Variants in SGCZ observed in about 807,000 individuals in gnomAD.
SGCZ encodes the protein zeta-sarcoglycan.
SGCZ carries 40 observed loss-of-function variants against 41.3 expected under a neutral mutation model. The observed-to-expected ratio is 0.97, with a 90% CI of 0.75 to 1.26. SGCZ has a LOEUF of 1.26. Ranked by LOEUF, SGCZ falls within the 50% of genes most tolerant of loss-of-function variation. The pLI is 0.00. For synonymous variants in SGCZ, 206 were observed against 137.5 expected, an observed-to-expected ratio of 1.50 and a Z score of -3.49; for missense variants, 552 against 369.8, an observed-to-expected ratio of 1.49 and a Z score of -4.04.
chr8:14,702,868 GATAGATAGA>G (rs1809203815), intron 1 of SGCZ, among the ~76,000 whole-genome samples: 1 of 135,744 alleles, frequency 7.4e-6, no homozygotes, highest in Non-Finnish European at 1.6e-5. Flanking sequence ...TAGATAGATA[GATAGATAGA>G]TAGATAAAAA....
At chr8:14,129,799 C>T (rs1391657417) in intron 5 of SGCZ, among the ~76,000 whole-genome samples, 2 of 151,714 alleles carry the variant, frequency 1.3e-5, no homozygotes, top group African/African-American at 4.8e-5. Flanking sequence ...AACAGCCAAA[C>T]CACTGAAAAT....
At chr8:14,155,806 G>A (rs947555568) in intron 5 of SGCZ, among the ~76,000 whole-genome samples, 9 of 151,694 alleles carry the variant, frequency 5.9e-5, no homozygotes, top group Non-Finnish European at 8.8e-5. Flanking sequence ...TGGTGATTTC[G>A]CCATTGTGCA....
chr8:14,751,701 A>G (rs1341228411), intron 1 of SGCZ, among the ~76,000 whole-genome samples: 1 of 152,066 alleles, frequency 6.6e-6, no homozygotes, highest in East Asian at 1.9e-4. Context: ...GGTACCTGCC[A>G]CCATGCCCGG....
chr8:14,679,124 G>A (rs968082676), intron 1 of SGCZ, among the ~76,000 whole-genome samples: 1 of 152,024 alleles, frequency 6.6e-6, no homozygotes, highest in Non-Finnish European at 1.5e-5. Context: ...GGTATAAACC[G>A]ACCTACTGCA....
At chr8:15,213,073 G>C (rs1033001488) in intron 1 of SGCZ, among the ~76,000 whole-genome samples, 3 of 151,994 alleles carry the variant, frequency 2.0e-5, no homozygotes, top group Non-Finnish European at 4.4e-5. Context: ...TTTCACTCTT[G>C]AGGGGCGACA....
intron 1 of SGCZ, among the ~76,000 whole-genome samples, chr8:15,131,788 CT>C (rs1247123929): frequency 6.6e-6 from 1 of 152,106 alleles, no homozygotes. Context: ...AGCCATGAGG[CT>C]GGCACAGGGA....
intron 1 of SGCZ, among the ~76,000 whole-genome samples, chr8:15,089,333 T>C (rs917871942): frequency 6.6e-6 from 1 of 152,188 alleles, no homozygotes; most frequent in African/African-American, 2.4e-5. Flanking sequence ...AGTGTAATGA[T>C]AATTTCAAGA....
chr8:14,548,616 T>C (rs926986774), intron 2 of SGCZ, among the ~76,000 whole-genome samples: 8 of 152,134 alleles, frequency 5.3e-5, no homozygotes, highest in Admixed American at 3.3e-4. Context: ...CTGTGAGCTA[T>C]TTAAATAAAG....
At chr8:14,974,864 G>GAAAA (rs58302235) in intron 1 of SGCZ, among the ~76,000 whole-genome samples, 1 of 132,606 alleles carries the variant, frequency 7.5e-6, no homozygotes, top group East Asian at 2.3e-4. Context: ...GTGATTTTAG[G>GAAAA]AAAAAAAAAA....
At chr8:14,492,669 T>C in intron 2 of SGCZ, among the ~76,000 whole-genome samples, 1 of 152,224 alleles carries the variant, frequency 6.6e-6, no homozygotes, top group East Asian at 1.9e-4. Flanking sequence ...AGGCCACTGC[T>C]ACCACTTTCA....
intron 4 of SGCZ, among the ~76,000 whole-genome samples, chr8:14,180,315 A>C (rs933561068): frequency 1.3e-5 from 2 of 152,118 alleles, no homozygotes; most frequent in Admixed American, 1.3e-4. Flanking sequence ...TGTCCTGATC[A>C]CTAGTCCTTC....
intron 2 of SGCZ, among the ~76,000 whole-genome samples, chr8:14,439,267 T>C (rs951311056): frequency 2.0e-5 from 3 of 149,776 alleles, no homozygotes; most frequent in Non-Finnish European, 4.5e-5. Context: ...CTTGGTATTG[T>C]TGCTAACAGT....
At chr8:15,139,130 G>T (rs538950631) in intron 1 of SGCZ, among the ~76,000 whole-genome samples, 1 of 152,274 alleles carries the variant, frequency 6.6e-6, no homozygotes, top group East Asian at 1.9e-4. Context: ...TGCCTTTGCT[G>T]AGGGCTTGGC....
At chr8:14,284,431 T>C (rs1281485321) in intron 3 of SGCZ, among the ~76,000 whole-genome samples, 2 of 151,514 alleles carry the variant, frequency 1.3e-5, no homozygotes, top group African/African-American at 2.4e-5. Flanking sequence ...TATTTTAGTA[T>C]AGGTTTACTA....
intron 1 of SGCZ, among the ~76,000 whole-genome samples, chr8:14,862,792 G>C (rs1347470821): frequency 6.6e-6 from 1 of 151,802 alleles, no homozygotes; most frequent in Non-Finnish European, 1.5e-5. Context: ...TATGAGCAGA[G>C]AGAAACCTGC....
At chr8:14,503,314 G>A (rs10113798) in intron 2 of SGCZ, among the ~76,000 whole-genome samples, 115,788 of 151,924 alleles carry the variant, frequency 0.76, 44,183 homozygotes, top group East Asian at 0.89. Context: ...GGGGCAAGGG[G>A]AGGGATAGCA....
At chr8:14,495,779 G>GTTT in intron 2 of SGCZ, among the ~76,000 whole-genome samples, 1 of 151,870 alleles carries the variant, frequency 6.6e-6, no homozygotes, top group African/African-American at 2.4e-5. Flanking sequence ...TTAGATAAAC[G>GTTT]TTTTTTTGAA....
intron 1 of SGCZ, among the ~76,000 whole-genome samples, chr8:15,007,630 G>T (rs572551349): frequency 3.3e-5 from 5 of 152,118 alleles, no homozygotes; most frequent in Admixed American, 1.3e-4. Context: ...GAAATTAGCT[G>T]TAATTCTATA....
chr8:15,237,507 G>A (rs1174932783), intron 1 of SGCZ, 78 bp downstream of exon 1: 2 of 1,513,162 alleles, frequency 1.3e-6, no homozygotes, highest in African/African-American at 1.4e-5. Context: ...CCGCGCCGCT[G>A]GAGGAGCCGC....
Sources: allele counts gnomAD v4.1 joint callset (sites outside exome capture counted in the v4.1 genomes callset), GRCh38; gene constraint gnomAD v4.1.1; transcripts MANE v1.5; gene names NCBI Gene and HGNC (gene_info 2026-07-23, HGNC 2026-07-21).